ASIC2: variants seen among roughly 807,000 people sequenced by gnomAD.
ASIC2 encodes the protein acid-sensing ion channel 2.
In ASIC2, 25 loss-of-function variants were observed where a neutral mutation model predicts 57.3. The observed-to-expected ratio is 0.44, with a 90% CI of 0.32 to 0.61. The LOEUF (loss-of-function observed/expected upper bound fraction) is 0.61. ASIC2 is among the 20% of genes least tolerant of loss of function. The pLI is 0.06. For synonymous variants in ASIC2, 319 were observed against 307.5 expected, an observed-to-expected ratio of 1.04 and a Z score of -0.39; for missense variants, 641 against 738.1, an observed-to-expected ratio of 0.87 and a Z score of 1.52.
intron 1 of ASIC2, among the ~76,000 whole-genome samples, chr17:33,183,680 T>A (rs1192131486): frequency 6.6e-6 from 1 of 152,240 alleles, no homozygotes; most frequent in Non-Finnish European, 1.5e-5. Context: ...ATTGTATTCA[T>A]GATGCATTTA....
At chr17:33,716,612 G>A (rs1051883016) in intron 1 of ASIC2, among the ~76,000 whole-genome samples, 1 of 152,196 alleles carries the variant, frequency 6.6e-6, no homozygotes, top group Non-Finnish European at 1.5e-5. Flanking sequence ...CTCCTAAAGA[G>A]GCCTCCCATG....
At chr17:33,119,011 T>C (rs908478870) in intron 1 of ASIC2, among the ~76,000 whole-genome samples, 1 of 152,112 alleles carries the variant, frequency 6.6e-6, no homozygotes, top group Admixed American at 6.5e-5. Context: ...CTAATACCCA[T>C]GAAGACACGG....
intron 1 of ASIC2, among the ~76,000 whole-genome samples, chr17:33,966,377 A>G (rs1905074663): frequency 6.6e-6 from 1 of 152,226 alleles, no homozygotes. Flanking sequence ...CATCCCATCC[A>G]AAAATGGAAA....
At chr17:33,661,034 G>T (rs1035249839) in intron 1 of ASIC2, among the ~76,000 whole-genome samples, 1 of 152,102 alleles carries the variant, frequency 6.6e-6, no homozygotes, top group Non-Finnish European at 1.5e-5. Flanking sequence ...TTTCCAGCTA[G>T]ACTCTGCTAG....
rs574189255 is a variant in ASIC2 at position 33,287,034 on chromosome 17, A to G, written c.708+4374T>C. The stretch of plus-strand genomic sequence containing the variant: ...TGAATAGTAACTATGAATACTATGA[A>G]TACTATAGTAAATATGAATAGCAAC... On this transcript the variant is annotated intron_variant, in intron 1 of 9. Transcript: ENST00000225823. 1.0e-4 allele frequency among the ~76,000 whole-genome samples: 16 copies of G among 152,384 alleles called. 1 individual carries two copies. Among genetic ancestry groups the G allele is most frequent in the Admixed American group, 4.6e-4 (7 of 15,304 alleles).
intron 1 of ASIC2, among the ~76,000 whole-genome samples, chr17:33,682,571 C>G (rs1030781158): frequency 1.3e-5 from 2 of 149,354 alleles, no homozygotes; most frequent in East Asian, 3.8e-4. Context: ...CTCTTGCATT[C>G]ACTCCTGGCT....
chr17:33,251,897 G>A (rs1908897910), intron 1 of ASIC2, among the ~76,000 whole-genome samples: 1 of 152,174 alleles, frequency 6.6e-6, no homozygotes, highest in Non-Finnish European at 1.5e-5. Context: ...TACTAAGAAT[G>A]ATCCCTTGTA....
chr17:33,314,582 T>C (rs1184017651), intron 1 of ASIC2, among the ~76,000 whole-genome samples: 1 of 152,194 alleles, frequency 6.6e-6, no homozygotes, highest in Non-Finnish European at 1.5e-5. Context: ...AGGGGTTTAT[T>C]ATATAACATG....
intron 1 of ASIC2, among the ~76,000 whole-genome samples, chr17:33,133,954 C>T (rs932598221): frequency 6.6e-6 from 1 of 152,200 alleles, no homozygotes; most frequent in African/African-American, 2.4e-5. Context: ...CCTCAGCTCA[C>T]TTGACAGAAC....
intron 1 of ASIC2, among the ~76,000 whole-genome samples, chr17:33,729,930 G>GA (rs1269145782): frequency 6.6e-6 from 1 of 152,166 alleles, no homozygotes; most frequent in Non-Finnish European, 1.5e-5. Context: ...ATACTTGCTA[G>GA]AAAAAAGCAA....
intron 1 of ASIC2, among the ~76,000 whole-genome samples, chr17:34,074,846 C>T (rs1480052213): frequency 7.1e-6 from 1 of 141,668 alleles, no homozygotes; most frequent in African/African-American, 2.7e-5. Flanking sequence ...AATGCAGTGA[C>T]GCGATCTCGG....
intron 1 of ASIC2, among the ~76,000 whole-genome samples, chr17:33,610,357 G>A (rs55687656): frequency 0.2 from 30,560 of 151,772 alleles, 3,452 homozygotes; most frequent in Non-Finnish European, 0.26. Flanking sequence ...GGGTTTCACC[G>A]TGTTGGCCAG....
intron 1 of ASIC2, among the ~76,000 whole-genome samples, chr17:33,625,610 C>A (rs192124729): frequency 6.6e-6 from 1 of 152,346 alleles, no homozygotes; most frequent in East Asian, 1.9e-4. Flanking sequence ...GAGATTAAAA[C>A]ATGGACCTAT....
At chr17:33,170,874 C>T (rs905059281) in intron 1 of ASIC2, among the ~76,000 whole-genome samples, 2 of 152,216 alleles carry the variant, frequency 1.3e-5, no homozygotes, top group Non-Finnish European at 2.9e-5. Context: ...CAACATACTT[C>T]AGTTTGCACA....
chr17:33,154,586 C>T (rs1223602506), intron 1 of ASIC2, among the ~76,000 whole-genome samples: 2 of 152,142 alleles, frequency 1.3e-5, no homozygotes, highest in African/African-American at 4.8e-5. Context: ...AGTAGCCATG[C>T]CGGAATGAAA....
intron 1 of ASIC2, among the ~76,000 whole-genome samples, chr17:33,525,245 C>G (rs1156608153): frequency 6.6e-6 from 1 of 152,184 alleles, no homozygotes; most frequent in African/African-American, 2.4e-5. Flanking sequence ...TTCCCTGCCA[C>G]CAGGTCTTTC....
At chr17:33,528,430 T>C (rs1914953150) in intron 1 of ASIC2, among the ~76,000 whole-genome samples, 1 of 152,194 alleles carries the variant, frequency 6.6e-6, no homozygotes, top group Non-Finnish European at 1.5e-5. Context: ...ATTCATTTTC[T>C]ACACTTATAA....
At chr17:33,862,023 A>G (rs1361159743) in intron 1 of ASIC2, among the ~76,000 whole-genome samples, 1 of 152,194 alleles carries the variant, frequency 6.6e-6, no homozygotes, top group African/African-American at 2.4e-5. Flanking sequence ...CTGCACCACG[A>G]TACTGTCTGC....
chr17:33,338,550 C>T (rs564497710), intron 1 of ASIC2, among the ~76,000 whole-genome samples: 4 of 152,062 alleles, frequency 2.6e-5, no homozygotes, highest in African/African-American at 4.8e-5. Flanking sequence ...AAGATGTGTG[C>T]GTGCACGAAT....
Sources: allele counts gnomAD v4.1 joint callset (sites outside exome capture counted in the v4.1 genomes callset), GRCh38; gene constraint gnomAD v4.1.1; transcripts MANE v1.5; gene names NCBI Gene and HGNC (gene_info 2026-07-23, HGNC 2026-07-21).